Variants in DMGDH observed in about 807,000 individuals in gnomAD.
The protein encoded by DMGDH is dimethylglycine dehydrogenase, mitochondrial.
In DMGDH, 76 loss-of-function variants were observed where a neutral mutation model predicts 95.2. The ratio of observed to expected loss-of-function variants is 0.80; its 90% confidence interval spans 0.66 to 0.97. The LOEUF (loss-of-function observed/expected upper bound fraction) is 0.97, where lower values mean the gene tolerates loss of function less well. DMGDH is among the 50% of genes least tolerant of loss of function. DMGDH has a pLI of 0.00. For synonymous variants in DMGDH, 345 were observed against 377.6 expected, an observed-to-expected ratio of 0.91 and a Z score of 1.00; for missense variants, 987 against 1,055.0, an observed-to-expected ratio of 0.94 and a Z score of 0.89.
intron 14 of DMGDH, among the ~76,000 whole-genome samples, chr5:79,015,186 C>T (rs1340639476): frequency 6.6e-6 from 1 of 152,118 alleles, no homozygotes; most frequent in Non-Finnish European, 1.5e-5. Context: ...CCTAGTTAAT[C>T]CACAGTTCAT....
intron 7 of DMGDH, among the ~76,000 whole-genome samples, chr5:79,039,764 C>T (rs1345862284): frequency 6.6e-6 from 1 of 152,050 alleles, no homozygotes; most frequent in Non-Finnish European, 1.5e-5. Flanking sequence ...CCTACTCCAA[C>T]CTCCAGGGAG....
Position 78,998,246 on chromosome 5 carries a change from G to C in DMGDH, c.2437C>G (p.Leu813Val). ...TGTACAGGGACATATGCGAAAGCCA[G>C]ACTCTTCTGGATGCTGTAGCTATAG... Reference protein sequence around the residue: ...GSYSYSIQKSLAFAYVPVQLS... With the variant: ...GSYSYSIQKSVAFAYVPVQLS... Residue 813 changes from leucine to valine, a missense_variant, in exon 16 of 16, where the codon CTG (leucine) becomes GTG (valine). Leu to Val is a conservative substitution (Grantham distance 32). Transcript: ENST00000255189. 1 of 1,614,156 alleles carries C rather than the reference G, an allele frequency of 6.2e-7. No homozygotes were observed. The highest frequency in any genetic ancestry group is 8.5e-7 in the Non-Finnish European group (1 of 1,180,028).
chr5:79,008,715 C>G lies in DMGDH; in HGVS notation c.2251-3308G>C, dbSNP rs182044584. 1.9e-3 allele frequency among the ~76,000 whole-genome samples: 296 copies of G among 151,978 alleles called. 1 individual carries two copies. Among genetic ancestry groups the G allele is most frequent in the Admixed American group, 4.4e-3 (67 of 15,252 alleles). On this transcript the variant is annotated intron_variant, in intron 14 of 15. Coordinates refer to ENST00000255189, the MANE Select transcript of DMGDH (RefSeq NM_013391.3). ...GAAGGAACATCAGGTATTAGCTAAC[C>G]ATGAGGGAAACAGGAAAGGTGGGGG...
At chr5:79,069,487 C>T in intron 1 of DMGDH, 33 bp downstream of exon 1, 6 of 1,229,544 alleles carry the variant, frequency 4.9e-6, no homozygotes, top group Non-Finnish European at 6.1e-6. Context: ...GCAGCCGCCC[C>T]GTCGCCTCTG....
chr5:79,048,034 T>A (rs1754731405), intron 5 of DMGDH, among the ~76,000 whole-genome samples: 1 of 152,012 alleles, frequency 6.6e-6, no homozygotes, highest in East Asian at 1.9e-4. Context: ...AAGAAAGGAG[T>A]TGAGCAGTCT....
intron 15 of DMGDH, among the ~76,000 whole-genome samples, chr5:79,002,538 T>C (rs922927297): frequency 4.6e-5 from 7 of 152,214 alleles, no homozygotes; most frequent in Admixed American, 1.3e-4. Context: ...CTCTGGAATG[T>C]AAACTCCATG....
intron 14 of DMGDH, among the ~76,000 whole-genome samples, chr5:79,016,103 T>G (rs1343185740): frequency 6.6e-6 from 1 of 151,988 alleles, no homozygotes. Context: ...CTGGGTGTGG[T>G]GGTGCATGTC....
intron 1 of DMGDH, among the ~76,000 whole-genome samples, chr5:79,064,606 T>G (rs895414625): frequency 6.6e-6 from 1 of 152,088 alleles, no homozygotes; most frequent in Non-Finnish European, 1.5e-5. Flanking sequence ...TTCATTATTT[T>G]ATAAACTTTT....
At chr5:79,041,119 T>C (rs1390990601) in intron 7 of DMGDH, among the ~76,000 whole-genome samples, 1 of 152,254 alleles carries the variant, frequency 6.6e-6, no homozygotes, top group African/African-American at 2.4e-5. Context: ...CAATATCTTA[T>C]GAAATTGATC....
chr5:79,065,035 C>T (rs1309403859), intron 1 of DMGDH, among the ~76,000 whole-genome samples: 1 of 151,880 alleles, frequency 6.6e-6, no homozygotes, highest in Non-Finnish European at 1.5e-5. Context: ...CAGGCATGAG[C>T]CACTGTGCCT....
At chr5:79,009,199 G>A (rs1753599046) in intron 14 of DMGDH, among the ~76,000 whole-genome samples, 1 of 151,980 alleles carries the variant, frequency 6.6e-6, no homozygotes, top group Admixed American at 6.6e-5. Context: ...TAATATTAAT[G>A]CAATTTGATA....
rs1487634344 is a variant in DMGDH, at chr5:79,066,159, T to G, written c.102-2372A>C. On this transcript the variant is annotated intron_variant, in intron 1 of 15. Transcript: ENST00000255189. Reference sequence around the variant, plus strand: ...TCAATTATTCCAATCAATTTATAGCTACTTTTTTCCAGTCAGAGATCAAAT... The same window carrying G: ...TCAATTATTCCAATCAATTTATAGCGACTTTTTTCCAGTCAGAGATCAAAT... Among the ~76,000 whole-genome samples the G allele has an allele frequency of 4.6e-5, 7 of 152,360 alleles. No homozygotes were observed. The East Asian group carries it at 1.3e-3, about 29-fold the overall frequency.
chr5:79,018,799 C>G (rs1021166515), intron 14 of DMGDH, among the ~76,000 whole-genome samples: 6 of 152,104 alleles, frequency 3.9e-5, no homozygotes, highest in African/African-American at 1.4e-4. Context: ...CATTTCAGCT[C>G]TTAGGGTAGA....
At chr5:79,021,094 A>T in intron 14 of DMGDH, 3 of 986,006 alleles carry the variant, frequency 3.0e-6, no homozygotes, top group Non-Finnish European at 3.6e-6. Context: ...GTTTCAGGTG[A>T]AGCGTTTTTA....
intron 12 of DMGDH, 121 bp from the exon 13 acceptor site, chr5:79,026,702 T>C (rs1286642319): frequency 7.0e-7 from 1 of 1,437,390 alleles, no homozygotes; most frequent in Non-Finnish European, 9.6e-7. Context: ...ACATTGTCAG[T>C]CTCTAAAAAG....
chr5:79,009,597 T>A (rs1185853868), intron 14 of DMGDH, among the ~76,000 whole-genome samples: 2 of 152,232 alleles, frequency 1.3e-5, no homozygotes, highest in Non-Finnish European at 2.9e-5. Context: ...TGACCTCAGA[T>A]AATCTGCTTA....
rs148572384 is a variant in DMGDH at position 79,026,598 on chromosome 5, G to A, written c.2033-17C>T. Reference sequence around the variant, plus strand: ...CCAGCTCACCTGAAATAAACCCACAGGTGCCACAGCAGGGCAAGAACAATG... The same window carrying A: ...CCAGCTCACCTGAAATAAACCCACAAGTGCCACAGCAGGGCAAGAACAATG... On this transcript the variant is annotated splice_polypyrimidine_tract_variant and intron_variant, in intron 12 of 15. Coordinates refer to ENST00000255189, the MANE Select transcript of DMGDH (RefSeq NM_013391.3). 5.8e-5 allele frequency: 93 copies of A among 1,613,960 alleles called. 2 individuals are homozygous for A. The highest frequency in any genetic ancestry group is 5.5e-4 in the African/African-American group (41 of 75,014).
rs962243728 is a variant in DMGDH at position 79,028,521 on chromosome 5, A to T, written c.1944T>A (p.Asp648Glu). Residue 648 changes from aspartate (D) to glutamate (E), a missense_variant, in exon 12 of 16, where the codon GAT becomes GAA. Physicochemically the swap from Asp to Glu is conservative, Grantham distance 45 (BLOSUM62 2). Coordinates refer to ENST00000255189, the MANE Select transcript of DMGDH (RefSeq NM_013391.3). ...RKVLQKLTSEDLSDDVFKFLQ... is the reference protein window; with the variant it reads ...RKVLQKLTSEELSDDVFKFLQ... ...GAAACTTGAAAACATCATCACTAAG[A>T]TCTTCAGAGGTCAGTTTCTGAAGGA... 1 of 1,614,092 alleles carries T rather than the reference A, an allele frequency of 6.2e-7. No individual in the cohort carries two copies. The highest frequency in any genetic ancestry group is 1.3e-5 in the African/African-American group (1 of 75,036).
intron 2 of DMGDH, among the ~76,000 whole-genome samples, chr5:79,057,376 A>G (rs1755061943): frequency 6.6e-6 from 1 of 152,204 alleles, no homozygotes. Flanking sequence ...AGGAGTATTT[A>G]TAAGGTACTT....
Sources: gnomAD v4.1 joint callset for allele counts (sites outside exome capture counted in the v4.1 genomes callset) on GRCh38, gnomAD v4.1.1 for gene constraint, MANE v1.5 for transcripts, NCBI Gene and HGNC (gene_info 2026-07-23, HGNC 2026-07-21) for gene names.